Variants in SULF1 observed in about 807,000 individuals in gnomAD.
SULF1 encodes the protein sulfatase 1.
SULF1 carries 46 observed loss-of-function variants against 110.5 expected under a neutral mutation model. The observed-to-expected ratio is 0.42, with a 90% confidence interval of 0.33 to 0.53. SULF1 has a LOEUF of 0.53. SULF1 is among the 20% of genes least tolerant of loss of function. The pLI is 0.12. For missense variants in SULF1, 941 were observed against 1,094.2 expected, an observed-to-expected ratio of 0.86 and a Z score of 1.98; for synonymous variants, 371 against 387.1, an observed-to-expected ratio of 0.96 and a Z score of 0.49.
At chr8:69,622,344 T>G (rs1809682532) in intron 14 of SULF1, among the ~76,000 whole-genome samples, 1 of 152,154 alleles carries the variant, frequency 6.6e-6, no homozygotes, top group African/African-American at 2.4e-5. Context: ...TTTGGGAGGC[T>G]GAGGCAGGCA....
intron 22 of SULF1, chr8:69,642,247 G>A: frequency 1.0e-6 from 1 of 986,856 alleles, no homozygotes; most frequent in African/African-American, 1.7e-5. Context: ...CTGGTACCCT[G>A]TTCGGCCCCT....
chr8:69,656,450 T>G (rs10107990), intron 22 of SULF1, among the ~76,000 whole-genome samples: 51,283 of 152,046 alleles, frequency 0.34, 8,862 homozygotes, highest in Admixed American at 0.43. Flanking sequence ...GCATTAGCTA[T>G]TTTCCCTGAT....
rs1385905922 is a variant in SULF1, at chr8:69,470,203, G to C, written c.-391+3253G>C. ...AATATTTTTGTGTGGAGAACATAAA[G>C]TAAATTTAAGGGGATTAAAATTTTT... On this transcript the variant is annotated intron_variant, in intron 1 of 22. Transcript: ENST00000260128. Among the ~76,000 whole-genome samples, 5 of 152,124 alleles carry C rather than the reference G, an allele frequency of 3.3e-5. No individual in the cohort carries two copies. The East Asian group carries it at 9.6e-4, about 29-fold the overall frequency.
At chr8:69,540,848 C>A (rs1042059697) in intron 3 of SULF1, among the ~76,000 whole-genome samples, 5 of 152,124 alleles carry the variant, frequency 3.3e-5, no homozygotes, top group African/African-American at 1.2e-4. Flanking sequence ...CAAGACCTGT[C>A]AAATTCTAGA....
intron 19 of SULF1, among the ~76,000 whole-genome samples, chr8:69,634,414 C>T (rs1412805189): frequency 1.3e-5 from 2 of 152,228 alleles, no homozygotes; most frequent in East Asian, 3.9e-4. Context: ...AAAGGGTGCA[C>T]ATCTATTACA....
intron 3 of SULF1, among the ~76,000 whole-genome samples, chr8:69,552,924 T>C (rs1283583090): frequency 6.6e-6 from 1 of 152,248 alleles, no homozygotes; most frequent in Non-Finnish European, 1.5e-5. Flanking sequence ...AATTTCCTAA[T>C]CTTAAATCTC....
At chr8:69,572,999 G>C (rs1805347593) in intron 5 of SULF1, among the ~76,000 whole-genome samples, 1 of 152,174 alleles carries the variant, frequency 6.6e-6, no homozygotes, top group African/African-American at 2.4e-5. Context: ...GCTAAGTTTT[G>C]TATTTTCAGT....
intron 22 of SULF1, among the ~76,000 whole-genome samples, chr8:69,646,938 ATTT>A (rs532105097): frequency 1.0e-5 from 1 of 97,752 alleles, no homozygotes; most frequent in Non-Finnish European, 2.0e-5. Flanking sequence ...GAGCCCTGGA[ATTT>A]TTTTTTTTTT....
chr8:69,555,715 G>C (rs1394976077), intron 3 of SULF1, among the ~76,000 whole-genome samples: 1 of 151,992 alleles, frequency 6.6e-6, no homozygotes, highest in Non-Finnish European at 1.5e-5. Context: ...ATATAGTAAA[G>C]TCAGGTGTTC....
At chr8:69,519,113 G>A (rs560537427) in intron 3 of SULF1, among the ~76,000 whole-genome samples, 25 of 152,190 alleles carry the variant, frequency 1.6e-4, no homozygotes, top group African/African-American at 5.5e-4. Flanking sequence ...CAGTTTTCTG[G>A]CTGTTTATGG....
chr8:69,569,206 A>G (rs537266398), intron 5 of SULF1, among the ~76,000 whole-genome samples: 7 of 152,354 alleles, frequency 4.6e-5, no homozygotes, highest in Admixed American at 2.0e-4. Context: ...GATCATATGT[A>G]TAGGGAAGCT....
At chr8:69,512,200 C>T (rs1811611236) in intron 3 of SULF1, among the ~76,000 whole-genome samples, 1 of 152,180 alleles carries the variant, frequency 6.6e-6, no homozygotes, top group Admixed American at 6.5e-5. Context: ...TTCCCTACTT[C>T]TCTTTCTTTG....
chr8:69,470,546 A>G (rs2725089), intron 1 of SULF1, among the ~76,000 whole-genome samples: 69,330 of 151,736 alleles, frequency 0.46, 16,679 homozygotes, highest in East Asian at 0.64. Flanking sequence ...CCTTTAAAAT[A>G]TCTCCCACAT....
intron 5 of SULF1, among the ~76,000 whole-genome samples, chr8:69,570,348 G>C (rs1805138775): frequency 6.6e-6 from 1 of 152,174 alleles, no homozygotes; most frequent in African/African-American, 2.4e-5. Context: ...ATGACAAACA[G>C]GTTTGATGAA....
chr8:69,551,776 A>G (rs1814733068), intron 3 of SULF1, among the ~76,000 whole-genome samples: 1 of 152,170 alleles, frequency 6.6e-6, no homozygotes, highest in African/African-American at 2.4e-5. Context: ...CAGCATCAGC[A>G]TCACCTGGGA....
intron 3 of SULF1, among the ~76,000 whole-genome samples, chr8:69,514,207 GA>G (rs1264777141): frequency 2.6e-5 from 4 of 152,200 alleles, no homozygotes; most frequent in Admixed American, 2.6e-4. Flanking sequence ...AATTTATAAA[GA>G]AAAGAGGTTT....
At chr8:69,544,915 G>A (rs1814139933) in intron 3 of SULF1, among the ~76,000 whole-genome samples, 2 of 151,956 alleles carry the variant, frequency 1.3e-5, no homozygotes, top group South Asian at 4.2e-4. Context: ...CATCATTTGG[G>A]GGTTACCACT....
chr8:69,588,281 T>A (rs764165771), intron 7 of SULF1, among the ~76,000 whole-genome samples: 1 of 152,198 alleles, frequency 6.6e-6, no homozygotes. Context: ...AGCAGCTGTA[T>A]TGCTTTAGTT....
At chr8:69,522,106 A>G (rs544093543) in intron 3 of SULF1, among the ~76,000 whole-genome samples, 1 of 151,612 alleles carries the variant, frequency 6.6e-6, no homozygotes, top group South Asian at 2.1e-4. Flanking sequence ...GCTGGAGTGC[A>G]GTGGAATGAT....
Sources: gnomAD v4.1 joint callset for allele counts (sites outside exome capture counted in the v4.1 genomes callset) on GRCh38, gnomAD v4.1.1 for gene constraint, MANE v1.5 for transcripts, NCBI Gene and HGNC (gene_info 2026-07-23, HGNC 2026-07-21) for gene names.